The following EFCAB11 variants were observed in gnomAD, a reference collection of about 807,000 sequenced individuals.
EFCAB11 encodes the protein EF-hand calcium binding domain 11.
EFCAB11 carries 14 observed loss-of-function variants against 23.0 expected under a neutral mutation model. That is an observed-to-expected ratio of 0.61 (90% CI 0.40 to 0.95). EFCAB11 has a LOEUF of 0.95. EFCAB11 is among the 40% of genes least tolerant of loss of function. EFCAB11 has a pLI of 0.00. For missense variants in EFCAB11, 198 were observed against 195.8 expected (o/e 1.01, Z -0.07); for synonymous variants, 65 against 66.6 (o/e 0.98, Z 0.11).
chr14:89,807,787 T>C (rs1308790223), intron 5 of EFCAB11, among the ~76,000 whole-genome samples: 3 of 152,224 alleles, frequency 2.0e-5, no homozygotes, highest in African/African-American at 7.2e-5. Flanking sequence ...GGAAATTTGA[T>C]AAATCAAAAG....
At chr14:89,847,188 T>C (rs1014604651) in intron 5 of EFCAB11, among the ~76,000 whole-genome samples, 1 of 152,190 alleles carries the variant, frequency 6.6e-6, no homozygotes, top group African/African-American at 2.4e-5. Context: ...CAAATAACCT[T>C]TTTAAATTCT....
At chr14:89,806,689 C>A (rs1885981428) in intron 5 of EFCAB11, among the ~76,000 whole-genome samples, 1 of 152,108 alleles carries the variant, frequency 6.6e-6, no homozygotes, top group Non-Finnish European at 1.5e-5. Flanking sequence ...CAGGAGCGAG[C>A]TCTCTGCTCA....
At chr14:89,945,290 G>A (rs1346770960) in intron 3 of EFCAB11, among the ~76,000 whole-genome samples, 1 of 151,666 alleles carries the variant, frequency 6.6e-6, no homozygotes, top group East Asian at 1.9e-4. Flanking sequence ...GTAGTTAAAG[G>A]TAGAAGATAA....
At chr14:89,909,221 T>C (rs1309438470) in intron 5 of EFCAB11, among the ~76,000 whole-genome samples, 1 of 152,168 alleles carries the variant, frequency 6.6e-6, no homozygotes, top group Non-Finnish European at 1.5e-5. Context: ...TCAGCCCAAA[T>C]AGAGGCTATT....
intron 3 of EFCAB11, among the ~76,000 whole-genome samples, chr14:89,940,532 C>G (rs1187064325): frequency 6.6e-6 from 1 of 152,138 alleles, no homozygotes; most frequent in Non-Finnish European, 1.5e-5. Context: ...TCAATTGGAC[C>G]TTACACTGGA....
chr14:89,857,892 G>C (rs919284365), intron 5 of EFCAB11, among the ~76,000 whole-genome samples: 5 of 152,026 alleles, frequency 3.3e-5, no homozygotes, highest in Non-Finnish European at 7.4e-5. Flanking sequence ...AAAGAAAGTA[G>C]GCCCTAGAAA....
chr14:89,937,840 T>A (rs78864633), intron 3 of EFCAB11, among the ~76,000 whole-genome samples: 7,954 of 151,900 alleles, frequency 0.052, 343 homozygotes, highest in African/African-American at 0.11. Flanking sequence ...TACATATTTT[T>A]TAGTTTCCAA....
intron 5 of EFCAB11, among the ~76,000 whole-genome samples, chr14:89,910,753 G>A (rs907133345): frequency 1.3e-5 from 2 of 152,128 alleles, no homozygotes; most frequent in African/African-American, 2.4e-5. Flanking sequence ...AGCTTCACTC[G>A]GAAGACAGGA....
chr14:89,935,191 C>T (rs955227007), intron 3 of EFCAB11, among the ~76,000 whole-genome samples: 8 of 152,058 alleles, frequency 5.3e-5, no homozygotes, highest in African/African-American at 1.2e-4. Context: ...TTAGGATCTA[C>T]GGTAATTATT....
intron 5 of EFCAB11, among the ~76,000 whole-genome samples, chr14:89,802,780 G>A (rs1358002558): frequency 6.6e-6 from 1 of 152,200 alleles, no homozygotes; most frequent in African/African-American, 2.4e-5. Flanking sequence ...TATGAAGATG[G>A]TAGGGTTTTG....
At chr14:89,842,389 G>A (rs1267403490) in intron 5 of EFCAB11, among the ~76,000 whole-genome samples, 2 of 152,168 alleles carry the variant, frequency 1.3e-5, no homozygotes, top group Non-Finnish European at 2.9e-5. Flanking sequence ...AGGAGTTTGA[G>A]ACCAGCCTAG....
intron 5 of EFCAB11, among the ~76,000 whole-genome samples, chr14:89,904,699 T>A (rs1889442750): frequency 6.6e-6 from 1 of 152,208 alleles, no homozygotes; most frequent in Non-Finnish European, 1.5e-5. Context: ...CTCATGGTGG[T>A]TTTGATTTGC....
intron 2 of EFCAB11, 37 bp downstream of exon 2, chr14:89,953,869 C>T (rs781570770): frequency 6.4e-7 from 1 of 1,551,364 alleles, no homozygotes; most frequent in South Asian, 1.1e-5. Context: ...CACCTTTGAT[C>T]GTCTACCCCA....
intron 5 of EFCAB11, among the ~76,000 whole-genome samples, chr14:89,900,662 A>G (rs947094125): frequency 1.3e-5 from 2 of 152,174 alleles, no homozygotes; most frequent in African/African-American, 4.8e-5. Flanking sequence ...TGACTTCTAC[A>G]ATTTTATTCT....
chr14:89,813,845 A>C (rs1009733797), intron 5 of EFCAB11, among the ~76,000 whole-genome samples: 1 of 152,198 alleles, frequency 6.6e-6, no homozygotes, highest in African/African-American at 2.4e-5. Context: ...TTTATAAGAA[A>C]GGAATGAAAG....
chr14:89,862,447 T>C (rs1349470398), intron 5 of EFCAB11, among the ~76,000 whole-genome samples: 2 of 152,186 alleles, frequency 1.3e-5, no homozygotes, highest in Non-Finnish European at 2.9e-5. Context: ...GAGCTGAGGA[T>C]TGATGACAAT....
chr14:89,889,146 A>G (rs1888884603), intron 5 of EFCAB11, among the ~76,000 whole-genome samples: 1 of 152,202 alleles, frequency 6.6e-6, no homozygotes, highest in Non-Finnish European at 1.5e-5. Flanking sequence ...ATGAAACAAC[A>G]CTGAAGATTA....
intron 5 of EFCAB11, among the ~76,000 whole-genome samples, chr14:89,807,860 A>G (rs1276533576): frequency 6.6e-6 from 1 of 152,216 alleles, no homozygotes; most frequent in East Asian, 1.9e-4. Context: ...TGTTATCAAA[A>G]CAAAAGATAA....
chr14:89,875,703 G>A (rs1409297744), intron 5 of EFCAB11, among the ~76,000 whole-genome samples: 1 of 152,160 alleles, frequency 6.6e-6, no homozygotes, highest in Non-Finnish European at 1.5e-5. Flanking sequence ...GGGTCATTGA[G>A]GATACCCAGA....
Sources: gnomAD v4.1 joint callset for allele counts (sites outside exome capture counted in the v4.1 genomes callset) on GRCh38, gnomAD v4.1.1 for gene constraint, MANE v1.5 for transcripts, NCBI Gene and HGNC (gene_info 2026-07-23, HGNC 2026-07-21) for gene names.